The following CLCN5 variants were observed in gnomAD, a reference collection of about 807,000 sequenced individuals.
CLCN5 encodes the protein H(+)/Cl(-) exchange transporter 5.
In CLCN5, 17 loss-of-function variants were observed where a neutral mutation model predicts 54.0. The ratio of observed to expected loss-of-function variants is 0.31; its 90% CI spans 0.22 to 0.47. The LOEUF (loss-of-function observed/expected upper bound fraction) is 0.47, where lower values mean the gene tolerates loss of function less well. CLCN5 is among the 20% of genes least tolerant of loss of function. The pLI is 1.00. For synonymous variants in CLCN5, 222 were observed against 233.0 expected (o/e 0.95, Z 0.43); for missense variants, 448 against 646.7 (o/e 0.69, Z 3.33).
At chrX:50,048,980 A>C (rs1932485812) in intron 4 of CLCN5, among the ~76,000 whole-genome samples, 1 of 110,728 alleles carries the variant, frequency 9.0e-6, no homozygotes, top group South Asian at 3.9e-4. Flanking sequence ...TAAACATGAG[A>C]TCATACTCAT....
At chrX:49,928,828 G>A (rs1300589620) in intron 3 of CLCN5, among the ~76,000 whole-genome samples, 2 of 111,368 alleles carry the variant, frequency 1.8e-5, no homozygotes, top group African/African-American at 6.5e-5. Context: ...GGGAGGCTGA[G>A]GCAGGAGAAT....
intron 3 of CLCN5, among the ~76,000 whole-genome samples, chrX:50,004,930 A>G (rs1050501966): frequency 5.4e-5 from 6 of 111,615 alleles, no homozygotes; most frequent in Admixed American, 3.8e-4. Context: ...AAAAATTGCC[A>G]ACAATTTTTT....
chrX:50,049,623 A>G (rs954710846), intron 4 of CLCN5, among the ~76,000 whole-genome samples: 2 of 111,737 alleles, frequency 1.8e-5, no homozygotes, highest in East Asian at 2.8e-4. Context: ...TATCCCTTTC[A>G]TTGAGGCTGT....
At chrX:50,075,739 A>T (rs1276959818) in intron 6 of CLCN5, 56 bp from the exon 7 acceptor site, 1 of 1,063,075 alleles carries the variant, frequency 9.4e-7, no homozygotes, top group African/African-American at 1.8e-5. Flanking sequence ...ATGACCAAAG[A>T]ACAGTTTCCG....
intron 7 of CLCN5, among the ~76,000 whole-genome samples, chrX:50,078,456 GTAC>G (rs2147569083): frequency 8.9e-6 from 1 of 112,293 alleles, no homozygotes; most frequent in African/African-American, 3.2e-5. Flanking sequence ...CATAAATGTA[GTAC>G]CATAGCAAAA....
intron 3 of CLCN5, among the ~76,000 whole-genome samples, chrX:49,950,073 C>T (rs1557172786): frequency 8.9e-6 from 1 of 111,774 alleles, no homozygotes; most frequent in Non-Finnish European, 1.9e-5. Context: ...AATATTACAG[C>T]AAATGGGGAC....
chrX:50,046,047 A>G (rs914069566), intron 4 of CLCN5, among the ~76,000 whole-genome samples: 3 of 112,666 alleles, frequency 2.7e-5, no homozygotes, highest in East Asian at 5.6e-4. Flanking sequence ...TTTATGAGGA[A>G]TGAATAAATA....
intron 3 of CLCN5, among the ~76,000 whole-genome samples, chrX:49,942,770 C>T (rs35402696): frequency 1.2e-4 from 13 of 110,541 alleles, no homozygotes; most frequent in African/African-American, 2.3e-4. Flanking sequence ...TCCCATCGTG[C>T]ATATGTGTCA....
intron 3 of CLCN5, among the ~76,000 whole-genome samples, chrX:50,027,162 G>A (rs1200451726): frequency 9.2e-6 from 1 of 109,080 alleles, no homozygotes. Flanking sequence ...GTACAGGTGC[G>A]CACCACCATG....
chrX:49,974,874 G>A (rs1557176747), intron 3 of CLCN5, among the ~76,000 whole-genome samples: 1 of 112,230 alleles, frequency 8.9e-6, no homozygotes. Flanking sequence ...GTTAGAACCT[G>A]GTTTGGGGAA....
intron 3 of CLCN5, among the ~76,000 whole-genome samples, chrX:50,039,331 G>A (rs1445141273): frequency 4.5e-5 from 5 of 111,268 alleles, no homozygotes; most frequent in African/African-American, 1.3e-4. Context: ...AAGATAAATA[G>A]TAATACGTTT....
intron 3 of CLCN5, among the ~76,000 whole-genome samples, chrX:49,942,145 T>G (rs1169920256): frequency 1.3e-4 from 5 of 38,337 alleles, no homozygotes; most frequent in African/African-American, 5.2e-4. Flanking sequence ...TGATTAATGT[T>G]AAATTAGAAT....
intron 3 of CLCN5, among the ~76,000 whole-genome samples, chrX:49,984,302 G>A (rs141655579): frequency 0.038 from 4,239 of 111,761 alleles, 204 homozygotes; most frequent in African/African-American, 0.13. Flanking sequence ...AAGTGTTGAT[G>A]TATAGCTTGC....
chrX:50,021,160 A>G (rs1931080587), intron 3 of CLCN5, among the ~76,000 whole-genome samples: 2 of 96,198 alleles, frequency 2.1e-5, no homozygotes, highest in Non-Finnish European at 3.8e-5. Context: ...TTCCTTGAGC[A>G]GTGGTTTGTA....
chrX:50,004,230 C>T (rs1930035142), intron 3 of CLCN5, among the ~76,000 whole-genome samples: 1 of 112,041 alleles, frequency 8.9e-6, no homozygotes, highest in African/African-American at 3.3e-5. Flanking sequence ...GTTGGGTACT[C>T]CCCTATGCAC....
chrX:49,939,946 A>G lies in CLCN5; in HGVS notation c.16+14632A>G, dbSNP rs782266697. 8.1e-5 allele frequency among the ~76,000 whole-genome samples: 9 copies of G among 111,534 alleles called. No homozygotes were observed. In the East Asian group the frequency reaches 2.3e-3, roughly 28 times the overall value. ...AGCAATCTCTTAACTCATCACCCCA[A>G]TTCCAGTCTCTTTTTTCCATCTGTC... On this transcript the variant is annotated intron_variant, in intron 3 of 14. Transcript: ENST00000376091.
intron 3 of CLCN5, among the ~76,000 whole-genome samples, chrX:50,026,017 A>T (rs1255562906): frequency 8.9e-6 from 1 of 112,151 alleles, no homozygotes; most frequent in African/African-American, 3.2e-5. Flanking sequence ...TATGCATTCA[A>T]TACTATAAAT....
intron 3 of CLCN5, among the ~76,000 whole-genome samples, chrX:49,941,867 C>A (rs1444432577): frequency 9.4e-6 from 1 of 106,309 alleles, no homozygotes; most frequent in African/African-American, 3.4e-5. Flanking sequence ...ATGTCTTTCT[C>A]AATCAATATC....
At chrX:50,031,135 G>A (rs782146879) in intron 3 of CLCN5, among the ~76,000 whole-genome samples, 28 of 111,613 alleles carry the variant, frequency 2.5e-4, no homozygotes, top group Non-Finnish European at 3.6e-4. Flanking sequence ...AGGGAACATA[G>A]CATATTATTG....
Sources: allele counts gnomAD v4.1 joint callset (sites outside exome capture counted in the v4.1 genomes callset), GRCh38; gene constraint gnomAD v4.1.1; transcripts MANE v1.5; gene names NCBI Gene and HGNC (gene_info 2026-07-23, HGNC 2026-07-21).